Variants in GSG1L observed in about 807,000 individuals in gnomAD.
GSG1L encodes germ cell-specific gene 1-like protein.
In GSG1L, 24 loss-of-function variants were observed where a neutral mutation model predicts 42.1. That is an observed-to-expected ratio of 0.57 (90% CI 0.41 to 0.80). GSG1L has a LOEUF of 0.80. Ranked by LOEUF, GSG1L falls within the 30% of genes least tolerant of loss-of-function variation. GSG1L has a pLI of 0.00. For missense variants in GSG1L, 445 were observed against 472.2 expected, an observed-to-expected ratio of 0.94 and a Z score of 0.53; for synonymous variants, 215 against 203.5, an observed-to-expected ratio of 1.06 and a Z score of -0.48.
At chr16:27,797,887 G>GT (rs1027225966) in intron 6 of GSG1L, among the ~76,000 whole-genome samples, 1 of 151,270 alleles carries the variant, frequency 6.6e-6, no homozygotes, top group Non-Finnish European at 1.5e-5. Context: ...AGCAACATGG[G>GT]TAGAGCTGGA....
In GSG1L at chr16:27,807,503, G is replaced by C. The variant is rs527602928; in HGVS notation, c.882C>G (p.His294Gln). 3.7e-6 allele frequency: 6 copies of C among 1,612,948 alleles called. No individual in the cohort carries two copies. Among genetic ancestry groups the C allele is most frequent in the African/African-American group, 2.7e-5 (2 of 74,844 alleles). ...SEEDFHLDCR[H>Q]ERYPARHQPH... ...GCCACTTACGGGCAGGGTATCTCTC[G>C]TGGCGGCAGTCTAAGTGAAAGTCCT... Residue 294 changes from histidine (H) to glutamine (Q), a missense_variant, in exon 6 of 7, where the codon CAC becomes CAG. Coordinates refer to ENST00000447459, the MANE Select transcript of GSG1L (RefSeq NM_001109763.2).
At chr16:28,022,793 A>G (rs1055119337) in intron 1 of GSG1L, among the ~76,000 whole-genome samples, 16 of 152,056 alleles carry the variant, frequency 1.1e-4, no homozygotes, top group Admixed American at 2.0e-4. Flanking sequence ...TCAGCCTCCC[A>G]AGTAGCTGGG....
intron 2 of GSG1L, among the ~76,000 whole-genome samples, chr16:27,886,872 A>G (rs1293773979): frequency 2.0e-5 from 3 of 152,216 alleles, no homozygotes; most frequent in Non-Finnish European, 2.9e-5. Flanking sequence ...AGTCTATTCA[A>G]TGAGACTCAA....
At chr16:27,817,247 G>C (rs1345903275) in intron 5 of GSG1L, among the ~76,000 whole-genome samples, 1 of 152,168 alleles carries the variant, frequency 6.6e-6, no homozygotes, top group Non-Finnish European at 1.5e-5. Context: ...GCAGGGGTGG[G>C]TGTCAGGTGC....
chr16:27,854,590 C>G (rs2083553012), intron 3 of GSG1L, among the ~76,000 whole-genome samples: 1 of 152,156 alleles, frequency 6.6e-6, no homozygotes, highest in Admixed American at 6.5e-5. Flanking sequence ...CAGACACAGC[C>G]AGCACATCCT....
chr16:27,851,185 C>G (rs978365537), intron 3 of GSG1L, among the ~76,000 whole-genome samples: 1 of 152,064 alleles, frequency 6.6e-6, no homozygotes, highest in African/African-American at 2.4e-5. Context: ...GAGCGAGACC[C>G]AAGTTTTGTC....
chr16:27,943,737 GC>G (rs1453401234), intron 2 of GSG1L, among the ~76,000 whole-genome samples: 1 of 151,814 alleles, frequency 6.6e-6, no homozygotes, highest in Non-Finnish European at 1.5e-5. Flanking sequence ...ACCACACCCA[GC>G]TAATTTTTTG....
At chr16:27,988,369 G>T (rs1426867624) in intron 1 of GSG1L, among the ~76,000 whole-genome samples, 1 of 151,960 alleles carries the variant, frequency 6.6e-6, no homozygotes, top group Non-Finnish European at 1.5e-5. Flanking sequence ...TTTAGGTTAA[G>T]AAATGTTATT....
Position 27,884,621 on chromosome 16 carries a change from C to G in GSG1L, c.415G>C (p.Val139Leu), listed in dbSNP as rs770660207. ...ASEKGVLWLS[V>L]VSEVLYILLL... ...AGAATGTACAGCACCTCGGAGACCA[C>G]AGACAGCCACAGGACCCCTGTCCAA... Residue 139 changes from valine to leucine, a missense_variant, in exon 3 of 7, where the codon GTG (valine) becomes CTG (leucine). Coordinates refer to ENST00000447459, the MANE Select transcript of GSG1L (RefSeq NM_001109763.2). The surrounding 1 kb of genome is among the most constrained non-coding windows in gnomAD (Gnocchi z 4.4). 1 of 1,589,140 alleles carries G rather than the reference C, an allele frequency of 6.3e-7. No homozygotes were observed. The highest frequency in any genetic ancestry group is 1.1e-5 in the South Asian group (1 of 87,490).
At chr16:27,872,496 C>T (rs1030401301) in intron 3 of GSG1L, among the ~76,000 whole-genome samples, 1 of 152,152 alleles carries the variant, frequency 6.6e-6, no homozygotes, top group Non-Finnish European at 1.5e-5. Flanking sequence ...CAGAGTGACT[C>T]CATCTTGACG....
At chr16:27,893,992 A>T (rs1567508536) in intron 2 of GSG1L, among the ~76,000 whole-genome samples, 4 of 152,222 alleles carry the variant, frequency 2.6e-5, no homozygotes. Context: ...GCTTCAAGTT[A>T]TCCTCCAGCC....
intron 2 of GSG1L, among the ~76,000 whole-genome samples, chr16:27,906,657 C>T (rs1410445872): frequency 6.6e-6 from 1 of 152,186 alleles, no homozygotes; most frequent in Non-Finnish European, 1.5e-5. Flanking sequence ...CAAATGTAAG[C>T]TCTTCATCAA....
intron 5 of GSG1L, chr16:27,824,039 GCCAT>G: frequency 1.5e-6 from 1 of 658,972 alleles, no homozygotes; most frequent in South Asian, 1.7e-5. Flanking sequence ...GAGATTATCA[GCCAT>G]GCTTCGAAAT....
At chr16:28,061,043 C>G (rs1355695730) in intron 1 of GSG1L, among the ~76,000 whole-genome samples, 2 of 152,170 alleles carry the variant, frequency 1.3e-5, no homozygotes, top group African/African-American at 2.4e-5. Flanking sequence ...GAGGTAGAGA[C>G]AGGACCACTC....
chr16:27,846,934 G>C (rs2083450895), intron 3 of GSG1L, among the ~76,000 whole-genome samples: 2 of 145,330 alleles, frequency 1.4e-5, no homozygotes, highest in South Asian at 4.4e-4. Flanking sequence ...CCCAGCCTGG[G>C]TGACAGAGGG....
At chr16:27,987,154 T>C (rs1167390598) in intron 1 of GSG1L, among the ~76,000 whole-genome samples, 5 of 150,748 alleles carry the variant, frequency 3.3e-5, no homozygotes, top group Admixed American at 2.0e-4. Context: ...GAGGCAGAGG[T>C]TGCAGTGACC....
intron 3 of GSG1L, among the ~76,000 whole-genome samples, chr16:27,855,656 G>A (rs1267638603): frequency 6.7e-6 from 1 of 148,834 alleles, no homozygotes; most frequent in African/African-American, 2.5e-5. Flanking sequence ...GGAAAGAGAG[G>A]TTGCAGTGAG....
intron 1 of GSG1L, among the ~76,000 whole-genome samples, chr16:27,983,075 C>T (rs917667234): frequency 6.6e-6 from 1 of 152,206 alleles, no homozygotes; most frequent in Non-Finnish European, 1.5e-5. Context: ...TGGCTCACAC[C>T]TGTAATCCCA....
intron 2 of GSG1L, among the ~76,000 whole-genome samples, chr16:27,915,485 T>C (rs1303690808): frequency 1.3e-5 from 2 of 152,182 alleles, no homozygotes; most frequent in African/African-American, 4.8e-5. Flanking sequence ...CCTGGCTGCC[T>C]AGGCTCACAG....
Sources: gnomAD v4.1 joint callset for allele counts (sites outside exome capture counted in the v4.1 genomes callset) on GRCh38, gnomAD v4.1.1 for gene constraint, Gnocchi (gnomAD v3.1) non-coding constraint, MANE v1.5 for transcripts, NCBI Gene and HGNC (gene_info 2026-07-23, HGNC 2026-07-21) for gene names.